VPS13B: variants seen among roughly 807,000 people sequenced by gnomAD.
VPS13B encodes vacuolar protein sorting 13 homolog B.
In VPS13B, 285 loss-of-function variants were observed where a neutral mutation model predicts 426.4. That is an observed-to-expected ratio of 0.67 (90% confidence interval 0.61 to 0.74). The LOEUF is 0.74. Among genes scored for constraint, VPS13B ranks in the 30% least tolerant of loss-of-function variants. The pLI is 0.00. For missense variants in VPS13B, 4,537 were observed against 4,782.6 expected, an observed-to-expected ratio of 0.95 and a Z score of 1.51; for synonymous variants, 1,676 against 1,676.4, an observed-to-expected ratio of 1.00 and a Z score of 0.01.
chr8:99,016,120 A>G (rs532196480), intron 2 of VPS13B, among the ~76,000 whole-genome samples: 2 of 152,366 alleles, frequency 1.3e-5, no homozygotes, highest in South Asian at 4.1e-4. Flanking sequence ...TCCACAATTT[A>G]CTTACTCATT....
chr8:99,093,344 C>G lies in VPS13B; in HGVS notation c.292-2968C>G, dbSNP rs1588027145. On this transcript the variant is annotated intron_variant, in intron 3 of 61. Transcript: ENST00000357162. ...GGAGTCTATGCTATTCAAAGCACCTCAAATTTGGAAATTTTTTTTTTTAAA... is the reference window on the plus strand; with the variant it reads ...GGAGTCTATGCTATTCAAAGCACCTGAAATTTGGAAATTTTTTTTTTTAAA... 2.0e-5 allele frequency among the ~76,000 whole-genome samples: 3 copies of G among 151,760 alleles called. No homozygotes were observed. The South Asian group carries it at 6.2e-4, about 32-fold the overall frequency.
chr8:99,848,990 T>C (rs918299869), intron 55 of VPS13B, 96 bp downstream of exon 55: 2 of 1,172,252 alleles, frequency 1.7e-6, no homozygotes, highest in Non-Finnish European at 2.6e-6. Flanking sequence ...ACATAATGTA[T>C]TAAAGCTTTT....
intron 3 of VPS13B, among the ~76,000 whole-genome samples, chr8:99,053,194 G>T (rs1009585455): frequency 1.3e-5 from 2 of 151,494 alleles, no homozygotes; most frequent in African/African-American, 4.9e-5. Flanking sequence ...CAACATGCAG[G>T]TTTGTTACAT....
chr8:99,783,322 A>C (rs1812109291), intron 42 of VPS13B, among the ~76,000 whole-genome samples: 1 of 152,238 alleles, frequency 6.6e-6, no homozygotes, highest in Admixed American at 6.5e-5. Flanking sequence ...ATAGAGGCCA[A>C]CTGGAGAAGC....
intron 33 of VPS13B, among the ~76,000 whole-genome samples, chr8:99,583,804 A>G (rs1826185385): frequency 6.6e-6 from 1 of 152,140 alleles, no homozygotes; most frequent in Admixed American, 6.5e-5. Context: ...ATGTGGGTAA[A>G]GGGGGGTTTG....
intron 30 of VPS13B, among the ~76,000 whole-genome samples, chr8:99,534,857 A>G (rs924726317): frequency 3.3e-5 from 5 of 152,202 alleles, no homozygotes; most frequent in African/African-American, 7.2e-5. Flanking sequence ...TTATTCCTAT[A>G]GCTATTCATA....
intron 17 of VPS13B, among the ~76,000 whole-genome samples, chr8:99,221,481 T>A (rs1334549244): frequency 6.6e-6 from 1 of 152,220 alleles, no homozygotes; most frequent in East Asian, 1.9e-4. Flanking sequence ...GAGAGAAATG[T>A]TAATTTTTTT....
chr8:99,411,915 G>C (rs1815688347), intron 21 of VPS13B, among the ~76,000 whole-genome samples: 1 of 152,126 alleles, frequency 6.6e-6, no homozygotes, highest in East Asian at 1.9e-4. Context: ...CTATATATCA[G>C]TTTTGGTACC....
At chr8:99,742,820 G>A (rs184841880) in intron 39 of VPS13B, among the ~76,000 whole-genome samples, 2,141 of 152,134 alleles carry the variant, frequency 0.014, 23 homozygotes, top group Non-Finnish European at 0.019. Flanking sequence ...TTGATGGGAC[G>A]TATCTCAAAA....
At chr8:99,358,187 A>G (rs1054674645) in intron 19 of VPS13B, among the ~76,000 whole-genome samples, 1 of 152,198 alleles carries the variant, frequency 6.6e-6, no homozygotes, top group African/African-American at 2.4e-5. Flanking sequence ...TGACTGCAGC[A>G]GTTGGTTTGG....
Position 99,275,271 on chromosome 8 carries a change from C to G in VPS13B, c.2824+17C>G, listed in dbSNP as rs1414486092. On this transcript the variant is annotated intron_variant, in intron 19 of 61. Transcript: ENST00000357162. ...ACAATTCCGGTAAGTACAAACCTAT[C>G]ATTATTCCCTTGTTTTGCTTTTTTT... The G allele has an allele frequency of 1.4e-6, 2 of 1,433,070 alleles. No individual in the cohort carries two copies. The highest frequency in any genetic ancestry group is 1.9e-6 in the Non-Finnish European group (2 of 1,052,842). The allele number at this position is 1,433,070 out of a possible 1,614,324, so 88.8% of individuals were successfully genotyped here.
intron 33 of VPS13B, among the ~76,000 whole-genome samples, chr8:99,616,725 T>C (rs983530893): frequency 1.3e-5 from 2 of 152,196 alleles, no homozygotes; most frequent in African/African-American, 4.8e-5. Context: ...CTCAGGAGTC[T>C]GAGGCAGGGG....
chr8:99,719,413 TA>T (rs1833048827), intron 37 of VPS13B, among the ~76,000 whole-genome samples: 1 of 152,234 alleles, frequency 6.6e-6, no homozygotes, highest in Non-Finnish European at 1.5e-5. Flanking sequence ...AGAACACAAG[TA>T]CACTTAGTGT....
At chr8:99,155,638 T>C (rs187885127) in intron 14 of VPS13B, among the ~76,000 whole-genome samples, 1 of 152,338 alleles carries the variant, frequency 6.6e-6, no homozygotes, top group Non-Finnish European at 1.5e-5. Context: ...AAAATCAGCA[T>C]TGTATTTTCG....
At chr8:99,475,242 T>C (rs926146634) in intron 24 of VPS13B, among the ~76,000 whole-genome samples, 1 of 152,184 alleles carries the variant, frequency 6.6e-6, no homozygotes, top group Non-Finnish European at 1.5e-5. Context: ...AGAGGACATA[T>C]TACAAAGGGA....
At chr8:99,815,222 C>G (rs908848547) in intron 44 of VPS13B, among the ~76,000 whole-genome samples, 1 of 152,002 alleles carries the variant, frequency 6.6e-6, no homozygotes, top group Non-Finnish European at 1.5e-5. Context: ...CTGCAGTCAG[C>G]AAGCTGCAGA....
At chr8:99,285,775 T>A (rs1819401348) in intron 19 of VPS13B, among the ~76,000 whole-genome samples, 1 of 152,102 alleles carries the variant, frequency 6.6e-6, no homozygotes, top group Non-Finnish European at 1.5e-5. Flanking sequence ...GAAATTCACA[T>A]CAATCTTTGC....
chr8:99,871,036 T>G (rs763755302), intron 60 of VPS13B, 149 bp downstream of exon 60: 2 of 805,372 alleles, frequency 2.5e-6, no homozygotes, highest in Non-Finnish European at 4.2e-6. Flanking sequence ...AAGAGCACTG[T>G]AGAGGGACAG....
chr8:99,332,113 T>C (rs1810575770), intron 19 of VPS13B, among the ~76,000 whole-genome samples: 1 of 151,670 alleles, frequency 6.6e-6, no homozygotes, highest in Admixed American at 6.6e-5. Context: ...GGGTTTCTTA[T>C]AACATATTGA....
Sources: gnomAD v4.1 joint callset for allele counts (sites outside exome capture counted in the v4.1 genomes callset) on GRCh38, gnomAD v4.1.1 for gene constraint, MANE v1.5 for transcripts, NCBI Gene and HGNC (gene_info 2026-07-23, HGNC 2026-07-21) for gene names.